Variants in MROH1 observed in about 807,000 individuals in gnomAD.
MROH1 encodes the protein maestro heat-like repeat-containing protein family member 1.
In MROH1, 117 loss-of-function variants were observed where a neutral mutation model predicts 116.5. The observed-to-expected ratio is 1.00, with a 90% CI of 0.86 to 1.17. The LOEUF is 1.17. Ranked by LOEUF, MROH1 falls within the 50% of genes most tolerant of loss-of-function variation. The pLI, the probability that MROH1 is intolerant of heterozygous loss-of-function variation, is 0.00. For missense variants in MROH1, 1,873 were observed against 1,338.5 expected (o/e 1.40, Z -6.23); for synonymous variants, 921 against 583.9 (o/e 1.58, Z -8.32).
chr8:144,174,072 T>A (rs543171096), intron 4 of MROH1, among the ~76,000 whole-genome samples: 2 of 152,232 alleles, frequency 1.3e-5, no homozygotes, highest in African/African-American at 4.8e-5. Context: ...AGGCACAGAA[T>A]GAGGAGTGTA....
Position 144,258,882 on chromosome 8 carries a change from G to A in MROH1, c.3897G>A (p.Ala1299=), listed in dbSNP as rs1478579049. The change falls in exon 36 of 44, where the codon GCG becomes GCA. Residue 1299 remains alanine, a synonymous_variant. Coordinates refer to ENST00000326134, the MANE Select transcript of MROH1 (RefSeq NM_032450.3). Reference sequence around the variant, plus strand: ...GCTGGGAACTGCTCAGGACCTCGGCGGGGCATGAGGAGGGGGCCACCAGGT... The same window carrying A: ...GCTGGGAACTGCTCAGGACCTCGGCAGGGCATGAGGAGGGGGCCACCAGGT... ...EGGWELLRTS[A]GHEEGATRLA... 9 of 763,446 alleles carry A rather than the reference G, an allele frequency of 1.2e-5. No individual in the cohort carries two copies. Among genetic ancestry groups the A allele is most frequent in the East Asian group, 2.5e-5 (1 of 40,536 alleles). 47.3% of individuals were successfully genotyped at this position (763,446 alleles called of 1,614,324 possible).
rs1842378380 is a variant in MROH1, at chr8:144,249,006, C to CG, written c.3254dup (p.Gly1086ArgfsTer87). On this transcript the variant is annotated frameshift_variant, in exon 32 of 44. Transcript: ENST00000326134. LOFTEE classifies it high-confidence loss of function. ...CATGATCAACTGCCTGCTGCAGGAG[C>CG]GGGGCGGTGTGCTCCAGGAGAAGGT... 1 of 665,914 alleles carries CG rather than the reference C, an allele frequency of 1.5e-6. No homozygotes were observed. The highest frequency in any genetic ancestry group is 2.8e-6 in the Non-Finnish European group (1 of 356,928). The allele number at this position is 665,914 out of a possible 1,614,324, so 41.3% of individuals were successfully genotyped here. A position where few individuals can be genotyped will look rare whatever the true frequency, so the allele number is the denominator to read the frequency against.
chr8:144,212,628 TC>T (rs1834387970), intron 12 of MROH1, among the ~76,000 whole-genome samples: 1 of 102,598 alleles, frequency 9.7e-6, no homozygotes, highest in Non-Finnish European at 1.8e-5. Flanking sequence ...CTTGCTTTGT[TC>T]CCCAGGCTGG....
intron 12 of MROH1, among the ~76,000 whole-genome samples, chr8:144,215,872 CAAA>C (rs35093804): frequency 1.0e-4 from 13 of 124,924 alleles, no homozygotes; most frequent in Admixed American, 8.0e-5. Context: ...GACTCTGTCG[CAAA>C]AAAAAAAAAA....
chr8:144,229,895 G>C (rs527260746), intron 14 of MROH1, among the ~76,000 whole-genome samples: 37 of 151,972 alleles, frequency 2.4e-4, no homozygotes, highest in African/African-American at 8.5e-4. Context: ...TTAGCTAAGC[G>C]TGGTGGACCA....
At chr8:144,155,558 G>A (rs1817825549) in intron 1 of MROH1, among the ~76,000 whole-genome samples, 1 of 151,684 alleles carries the variant, frequency 6.6e-6, no homozygotes, top group Non-Finnish European at 1.5e-5. Context: ...CTGTGTATAA[G>A]TGAACCCATG....
At chr8:144,249,424 G>A (rs1370251998) in intron 32 of MROH1, among the ~76,000 whole-genome samples, 3 of 152,102 alleles carry the variant, frequency 2.0e-5, no homozygotes, top group Non-Finnish European at 4.4e-5. Context: ...CCATTGCTTT[G>A]TTTTCACCCA....
At position 144,200,418 on chromosome 8, in the gene MROH1, T is replaced by G. The variant is rs575041718; in HGVS notation, c.1028-10T>G. On this transcript the variant is annotated splice_polypyrimidine_tract_variant and intron_variant, in intron 11 of 43. Transcript: ENST00000326134. ...GACATGGAGCCTAATCTGTACCCGTTGCCCTGTAGCCTGCAGCTCGCCTGA... is the reference window on the plus strand; with the variant it reads ...GACATGGAGCCTAATCTGTACCCGTGGCCCTGTAGCCTGCAGCTCGCCTGA... 1.9e-6 allele frequency: 3 copies of G among 1,544,342 alleles called. No homozygotes were observed. Among genetic ancestry groups the G allele is most frequent in the Non-Finnish European group, 2.6e-6 (3 of 1,143,480 alleles).
chr8:144,179,385 A>G (rs765764392), intron 4 of MROH1, 70 bp from the exon 5 acceptor site: 6 of 1,588,026 alleles, frequency 3.8e-6, no homozygotes, highest in East Asian at 2.3e-5. Context: ...TTGTAGAGAC[A>G]GTGACAGGCA....
intron 14 of MROH1, among the ~76,000 whole-genome samples, chr8:144,231,622 C>T (rs907999498): frequency 1.3e-5 from 2 of 152,064 alleles, no homozygotes; most frequent in African/African-American, 4.8e-5. Flanking sequence ...TTCATAGCAC[C>T]CCAAAACAAT....
At chr8:144,155,262 C>T (rs1354408059) in intron 1 of MROH1, among the ~76,000 whole-genome samples, 3 of 151,944 alleles carry the variant, frequency 2.0e-5, no homozygotes, top group African/African-American at 7.3e-5. Context: ...CTCAATACTG[C>T]GTCTTTATGT....
intron 7 of MROH1, among the ~76,000 whole-genome samples, chr8:144,184,448 A>C (rs2131422040): frequency 6.6e-6 from 1 of 152,340 alleles, no homozygotes; most frequent in South Asian, 2.1e-4. Flanking sequence ...TAGAGCAGAA[A>C]GTCACATAAT....
In MROH1 at chr8:144,200,421, C is replaced by G; in HGVS notation, c.1028-7C>G. ...ATGGAGCCTAATCTGTACCCGTTGC[C>G]CTGTAGCCTGCAGCTCGCCTGACCG... On this transcript the variant is annotated splice_region_variant and splice_polypyrimidine_tract_variant and intron_variant, in intron 11 of 43. Transcript: ENST00000326134. The G allele has an allele frequency of 6.5e-7, 1 of 1,546,022 alleles. No individual in the cohort carries two copies. The highest frequency in any genetic ancestry group is 2.4e-5 in the East Asian group (1 of 40,904).
chr8:144,242,892 C>T (rs990621785), intron 24 of MROH1, among the ~76,000 whole-genome samples: 19 of 152,214 alleles, frequency 1.2e-4, no homozygotes, highest in African/African-American at 4.3e-4. Context: ...TTCAGCCAGC[C>T]CCACCCGTCC....
At chr8:144,223,010 A>G in intron 13 of MROH1, 98 bp from the exon 14 acceptor site, 1 of 1,535,598 alleles carries the variant, frequency 6.5e-7, no homozygotes, top group African/African-American at 1.4e-5. Context: ...ACATGTGTGG[A>G]TGTGGGTGGG....
intron 29 of MROH1, among the ~76,000 whole-genome samples, chr8:144,247,017 G>A (rs1350263678): frequency 1.3e-5 from 2 of 152,254 alleles, no homozygotes; most frequent in Admixed American, 6.5e-5. Context: ...GCGTGCCCAC[G>A]TCGGCATGGC....
At chr8:144,235,917 CTTGT>C (rs1839965995) in intron 14 of MROH1, among the ~76,000 whole-genome samples, 1 of 152,142 alleles carries the variant, frequency 6.6e-6, no homozygotes, top group African/African-American at 2.4e-5. Context: ...TACTAAATAT[CTTGT>C]TTATTTCCTA....
intron 33 of MROH1, chr8:144,254,573 T>C (rs1843368392): frequency 9.5e-6 from 5 of 525,072 alleles, no homozygotes; most frequent in Non-Finnish European, 1.7e-5. Context: ...CTGGGCCCTG[T>C]GTGTATAGGC....
intron 30 of MROH1, 56 bp from the exon 31 acceptor site, chr8:144,247,511 C>T: frequency 1.3e-6 from 1 of 760,192 alleles, no homozygotes; most frequent in Non-Finnish European, 2.4e-6. Flanking sequence ...GGAGTCCAGG[C>T]TGTGGGATCG....
Sources: gnomAD v4.1 joint callset for allele counts (sites outside exome capture counted in the v4.1 genomes callset) on GRCh38, gnomAD v4.1.1 for gene constraint, MANE v1.5 for transcripts, NCBI Gene and HGNC (gene_info 2026-07-23, HGNC 2026-07-21) for gene names.